The following PSMC2 variants were observed in gnomAD, a reference collection of about 807,000 sequenced individuals.
PSMC2 encodes 26S proteasome regulatory subunit 7.
PSMC2 carries 7 observed loss-of-function variants against 53.3 expected under a neutral mutation model. The ratio of observed to expected loss-of-function variants is 0.13; its 90% confidence interval spans 0.07 to 0.25. PSMC2 has a LOEUF of 0.25. Ranked by LOEUF, PSMC2 falls within the 10% of genes least tolerant of loss-of-function variation. The probability of loss-of-function intolerance (pLI) is 1.00; values close to 1 mark genes in which losing one functional copy is unlikely to be tolerated. For missense variants in PSMC2, 241 were observed against 544.0 expected (o/e 0.44, Z 5.54); for synonymous variants, 169 against 183.9 (o/e 0.92, Z 0.66).
chr7:103,365,347 A>T (rs1014102799), intron 8 of PSMC2, among the ~76,000 whole-genome samples: 3 of 152,136 alleles, frequency 2.0e-5, no homozygotes, highest in African/African-American at 7.2e-5. Context: ...AAAAGTTTAG[A>T]TAGGCCAGGC....
chr7:103,358,020 G>A lies in PSMC2; in HGVS notation c.290+2227G>A, dbSNP rs115864065. Among the ~76,000 whole-genome samples, 1,103 of 152,146 alleles carry A rather than the reference G, an allele frequency of 7.2e-3. 9 individuals carry two copies. The highest frequency in any genetic ancestry group is 0.025 in the African/African-American group (1,040 of 41,516). On this transcript the variant is annotated intron_variant, in intron 4 of 11. Transcript: ENST00000292644. ...ATTGTTGTCTGACTTCTCTACCCTGGAGATTGCCCTTTACCTCTCTCCTGT... is the reference window on the plus strand; with the variant it reads ...ATTGTTGTCTGACTTCTCTACCCTGAAGATTGCCCTTTACCTCTCTCCTGT...
chr7:103,355,669 A>G (rs775905068), intron 3 of PSMC2, 25 bp from the exon 4 acceptor site: 1 of 1,563,400 alleles, frequency 6.4e-7, no homozygotes, highest in Middle Eastern at 1.8e-4. Context: ...CATTTTAGTA[A>G]ATTTTGTCAT....
chr7:103,364,981 A>ATATTTATTTATT (rs1554575488), intron 8 of PSMC2, among the ~76,000 whole-genome samples: 6 of 140,802 alleles, frequency 4.3e-5, no homozygotes, highest in African/African-American at 1.6e-4. Context: ...ATATATATAT[A>ATATTTATTTATT]TATTTAGAGA....
intron 5 of PSMC2, 128 bp from the exon 6 acceptor site, chr7:103,362,558 T>C (rs2116230602): frequency 7.1e-7 from 1 of 1,416,418 alleles, no homozygotes; most frequent in South Asian, 1.3e-5. Flanking sequence ...TTATTTCTCT[T>C]TATATAATTA....
chr7:103,362,378 C>T (rs1234877864), intron 5 of PSMC2: 6 of 1,338,140 alleles, frequency 4.5e-6, no homozygotes, highest in Non-Finnish European at 5.7e-6. Flanking sequence ...GGAGTACTTG[C>T]TTTAGGATAG....
intron 8 of PSMC2, among the ~76,000 whole-genome samples, 184 bp from the exon 9 acceptor site, chr7:103,365,892 C>T (rs1820693463): frequency 1.3e-5 from 2 of 152,118 alleles, no homozygotes; most frequent in African/African-American, 4.8e-5. Flanking sequence ...CGCACCACTG[C>T]ACTCCAGCCT....
chr7:103,363,562 G>A (rs1820530978), intron 7 of PSMC2, 123 bp downstream of exon 7: 2 of 842,928 alleles, frequency 2.4e-6, no homozygotes, highest in East Asian at 2.6e-5. Context: ...TTTTTTGAGA[G>A]GGTGGAGAGA....
chr7:103,352,581 T>G, intron 1 of PSMC2: 1 of 339,372 alleles, frequency 2.9e-6, no homozygotes, highest in Non-Finnish European at 5.7e-6. Context: ...ATTTTTGCAT[T>G]TTTTGTAGAG....
At chr7:103,358,081 A>G (rs1182234984) in intron 4 of PSMC2, among the ~76,000 whole-genome samples, 2 of 152,124 alleles carry the variant, frequency 1.3e-5, no homozygotes, top group Non-Finnish European at 2.9e-5. Flanking sequence ...AGCTTCTTGG[A>G]AAAGGGTCAG....
rs1443770545 is a variant in PSMC2 at position 103,356,330 on chromosome 7, A to G, written c.290+537A>G. Among the ~76,000 whole-genome samples, 4 of 152,194 alleles carry G rather than the reference A, an allele frequency of 2.6e-5. No individual in the cohort carries two copies. The East Asian group carries it at 7.7e-4, about 29-fold the overall frequency. ...GTGCTGTAGTGAATATTCGTGTTAA[A>G]TGTTTCTCAGTGTATGTGCATACAT... On this transcript the variant is annotated intron_variant, in intron 4 of 11. Coordinates refer to ENST00000292644, the MANE Select transcript of PSMC2 (RefSeq NM_002803.4).
chr7:103,351,262 G>C (rs1367456009), intron 1 of PSMC2, among the ~76,000 whole-genome samples: 1 of 152,162 alleles, frequency 6.6e-6, no homozygotes, highest in Non-Finnish European at 1.5e-5. Flanking sequence ...TGGCTATGAT[G>C]TATTTTAGTG....
rs1002879312 is a variant in PSMC2 at position 103,362,454 on chromosome 7, AT to A, written c.423-231del. Reference sequence around the variant, plus strand: ...AACTCACTTAGTAAATTAAAAAAAAATCTCCCCTCCCTCCTCAAAGGTTTGA... The same window carrying A: ...AACTCACTTAGTAAATTAAAAAAAAACTCCCCTCCCTCCTCAAAGGTTTGA... On this transcript the variant is annotated intron_variant, in intron 5 of 11. Transcript: ENST00000292644. The A allele has an allele frequency of 1.3e-5, 18 of 1,369,172 alleles. No individual in the cohort carries two copies. In the African/African-American group the frequency reaches 2.2e-4, roughly 17 times the overall value. 84.8% of individuals were successfully genotyped at this position (1,369,172 alleles called of 1,614,324 possible).
chr7:103,359,135 T>A (rs1176434788), intron 4 of PSMC2, among the ~76,000 whole-genome samples: 1 of 111,570 alleles, frequency 9.0e-6, no homozygotes, highest in Non-Finnish European at 1.8e-5. Context: ...ACCCCATGTC[T>A]GGCTTTTTTT....
At chr7:103,361,510 CAAAAAAAAAAA>C (rs759044767) in intron 4 of PSMC2, among the ~76,000 whole-genome samples, 3 of 51,102 alleles carry the variant, frequency 5.9e-5, no homozygotes, top group Non-Finnish European at 1.2e-4. Flanking sequence ...AACTCCATCT[CAAAAAAAAAAA>C]AAAAAAAAAA....
intron 2 of PSMC2, 91 bp downstream of exon 2, chr7:103,354,049 T>C: frequency 9.8e-7 from 1 of 1,017,148 alleles, no homozygotes; most frequent in South Asian, 1.7e-5. Context: ...TTAGAAGAAG[T>C]TAAGAAACCA....
intron 1 of PSMC2, among the ~76,000 whole-genome samples, chr7:103,353,219 T>A (rs1211606557): frequency 1.3e-5 from 2 of 152,250 alleles, no homozygotes; most frequent in Non-Finnish European, 2.9e-5. Context: ...TCCTTTTTTT[T>A]AAACCTACCT....
chr7:103,362,611 G>A (rs1820474618), intron 5 of PSMC2, 75 bp from the exon 6 acceptor site: 3 of 1,479,906 alleles, frequency 2.0e-6, no homozygotes, highest in Non-Finnish European at 2.8e-6. Flanking sequence ...ATGGTTTTGG[G>A]GATAAAGGAC....
At chr7:103,355,052 A>C (rs1049818989) in intron 3 of PSMC2, 103 bp downstream of exon 3, 1 of 766,944 alleles carries the variant, frequency 1.3e-6, no homozygotes, top group Non-Finnish European at 2.2e-6. Context: ...CAGATTTAAA[A>C]AAAATCATTA....
In PSMC2 at chr7:103,355,502, C is replaced by CT. The variant is rs1224255079; in HGVS notation, c.191-189dup. On this transcript the variant is annotated intron_variant, in intron 3 of 11. Transcript: ENST00000292644. ...CTGGAGACATCCTTGATTGTCATGA[C>CT]TTTGAGAGAGGGTGGTGCTGCTGGC... is the stretch of plus-strand genomic sequence containing the variant. 2.1e-5 allele frequency among the ~76,000 whole-genome samples: 3 copies of CT among 141,500 alleles called. No homozygotes were observed. In the Admixed American group the frequency reaches 2.1e-4, roughly 10 times the overall value. 92.8% of individuals were successfully genotyped at this position (141,500 alleles called of 152,430 possible). A position where few individuals can be genotyped will look rare whatever the true frequency, so the allele number is the denominator to read the frequency against.
Sources: gnomAD v4.1 joint callset for allele counts (sites outside exome capture counted in the v4.1 genomes callset) on GRCh38, gnomAD v4.1.1 for gene constraint, MANE v1.5 for transcripts, NCBI Gene and HGNC (gene_info 2026-07-23, HGNC 2026-07-21) for gene names.